The following VWC2L variants were observed in gnomAD, a reference collection of about 807,000 sequenced individuals.
VWC2L encodes the protein von Willebrand factor C domain containing 2 like.
VWC2L carries 10 observed loss-of-function variants against 21.6 expected under a neutral mutation model. The observed-to-expected ratio is 0.46, with a 90% CI of 0.29 to 0.78. The LOEUF (loss-of-function observed/expected upper bound fraction) is 0.78. Ranked by LOEUF, VWC2L falls within the 30% of genes least tolerant of loss-of-function variation. The pLI, the probability that VWC2L is intolerant of heterozygous loss-of-function variation, is 0.10. For synonymous variants in VWC2L, 96 were observed against 94.3 expected (o/e 1.02, Z -0.10); for missense variants, 209 against 277.1 (o/e 0.75, Z 1.74).
intron 3 of VWC2L, among the ~76,000 whole-genome samples, chr2:214,505,594 T>A (rs1688956546): frequency 6.6e-6 from 1 of 152,194 alleles, no homozygotes; most frequent in Admixed American, 6.5e-5. Flanking sequence ...GTTTTCAAAG[T>A]CTTTTCTTCT....
chr2:214,526,604 T>C (rs1230589974), intron 3 of VWC2L, among the ~76,000 whole-genome samples: 3 of 152,232 alleles, frequency 2.0e-5, no homozygotes, highest in Non-Finnish European at 4.4e-5. Context: ...TAAGCTTCTC[T>C]AGAAGGGATA....
chr2:214,479,573 G>C (rs972267151), intron 3 of VWC2L, among the ~76,000 whole-genome samples: 4 of 152,182 alleles, frequency 2.6e-5, no homozygotes, highest in African/African-American at 7.2e-5. Flanking sequence ...GGGAGGCTGA[G>C]GCAGGCGGAT....
chr2:214,418,525 G>A (rs1436790959), intron 2 of VWC2L, among the ~76,000 whole-genome samples: 1 of 152,134 alleles, frequency 6.6e-6, no homozygotes, highest in African/African-American at 2.4e-5. Flanking sequence ...AATATAATAT[G>A]AAATAATATC....
chr2:214,481,908 A>G (rs952550020), intron 3 of VWC2L, among the ~76,000 whole-genome samples: 1 of 152,198 alleles, frequency 6.6e-6, no homozygotes, highest in Non-Finnish European at 1.5e-5. Context: ...GCCTAGTATA[A>G]TTTTGTAAAT....
At chr2:214,497,164 CTT>C (rs1474483586) in intron 3 of VWC2L, among the ~76,000 whole-genome samples, 2 of 151,862 alleles carry the variant, frequency 1.3e-5, no homozygotes, top group Non-Finnish European at 2.9e-5. Context: ...CAAGAATAGT[CTT>C]TGGCTTCAGG....
chr2:214,425,241 T>G (rs534722372), intron 2 of VWC2L, among the ~76,000 whole-genome samples: 1 of 152,354 alleles, frequency 6.6e-6, no homozygotes, highest in Admixed American at 6.5e-5. Flanking sequence ...TCCTTCTAAC[T>G]TGCACTCTTG....
chr2:214,502,579 C>A (rs1366025567), intron 3 of VWC2L, among the ~76,000 whole-genome samples: 3 of 151,538 alleles, frequency 2.0e-5, no homozygotes, highest in East Asian at 3.9e-4. Context: ...CAAAAACAAA[C>A]AAAAAAAAGT....
At chr2:214,550,987 C>T (rs1339510907) in intron 3 of VWC2L, among the ~76,000 whole-genome samples, 7 of 152,138 alleles carry the variant, frequency 4.6e-5, no homozygotes, top group African/African-American at 1.7e-4. Context: ...TTTATGAACC[C>T]TATGACTCAG....
rs1690227916 is a variant in VWC2L, at chr2:214,576,285, A to G, written c.*465A>G. The G allele has an allele frequency of 6.6e-6, 1 of 151,162 alleles. No individual in the cohort carries two copies. Among genetic ancestry groups the G allele is most frequent in the African/African-American group, 2.4e-5 (1 of 41,120 alleles). 9.4% of individuals were successfully genotyped at this position (151,162 alleles called of 1,614,324 possible). A position where few individuals can be genotyped will look rare whatever the true frequency, so the allele number is the denominator to read the frequency against. On this transcript the variant is annotated 3_prime_UTR_variant, in exon 4 of 4. Transcript: ENST00000312504. ...GCACAGTAAAGTTTTGAGTTGTGTA[A>G]AAAAAAAAGTTTGGTAAAGGAATGT...
intron 2 of VWC2L, among the ~76,000 whole-genome samples, chr2:214,422,065 T>A (rs1168409548): frequency 6.6e-6 from 1 of 151,030 alleles, no homozygotes. Context: ...AATTTTTGTA[T>A]TTTTAGTAGA....
intron 3 of VWC2L, among the ~76,000 whole-genome samples, chr2:214,458,725 C>A (rs981668636): frequency 6.6e-6 from 1 of 152,156 alleles, no homozygotes; most frequent in East Asian, 1.9e-4. Context: ...TGTATTTGTA[C>A]AGTTTCCACA....
Position 214,545,551 on chromosome 2 carries a change from T to C in VWC2L, c.521-30121T>C, listed in dbSNP as rs139170729. 7.4e-3 allele frequency among the ~76,000 whole-genome samples: 1,134 copies of C among 152,316 alleles called. 15 individuals carry two copies. The highest frequency in any genetic ancestry group is 0.025 in the African/African-American group (1,043 of 41,596). ...CAAAGTAAATGACATCTTATGTGAT[T>C]CAAAATATTTCAAAATACAATATAA... On this transcript the variant is annotated intron_variant, in intron 3 of 3. Coordinates refer to ENST00000312504, the MANE Select transcript of VWC2L (RefSeq NM_001080500.4).
intron 3 of VWC2L, among the ~76,000 whole-genome samples, chr2:214,559,776 A>T (rs1021068177): frequency 1.3e-5 from 2 of 152,082 alleles, no homozygotes; most frequent in East Asian, 3.9e-4. Context: ...TAATTTTTTT[A>T]AAAATTGTAG....
At chr2:214,546,832 C>A (rs1689714353) in intron 3 of VWC2L, among the ~76,000 whole-genome samples, 1 of 152,092 alleles carries the variant, frequency 6.6e-6, no homozygotes, top group African/African-American at 2.4e-5. Context: ...TAAAGTGATT[C>A]TATGCCAAAC....
chr2:214,426,672 C>A (rs1702528365), intron 2 of VWC2L, among the ~76,000 whole-genome samples: 1 of 151,992 alleles, frequency 6.6e-6, no homozygotes, highest in South Asian at 2.1e-4. Flanking sequence ...TCAAACTTGG[C>A]AAATCAAAAA....
At chr2:214,414,612 A>G (rs755924987) in intron 2 of VWC2L, 29 bp downstream of exon 2, 1 of 1,596,322 alleles carries the variant, frequency 6.3e-7, no homozygotes, top group South Asian at 1.1e-5. Context: ...ATTTATTGAA[A>G]TATCAACTTT....
At position 214,576,844 on chromosome 2, in the gene VWC2L, A is replaced by T. The variant is rs1368272046; in HGVS notation, c.*1024A>T. 1.3e-5 allele frequency: 2 copies of T among 152,138 alleles called. No individual in the cohort carries two copies. The highest frequency in any genetic ancestry group is 6.5e-5 in the Admixed American group (1 of 15,268). 9.4% of individuals were successfully genotyped at this position (152,138 alleles called of 1,614,324 possible). ...TGTTTGCCATGTTGTAGTAACAACC[A>T]CTCAGCCCTATGTCTGAAACACAGA... is the stretch of plus-strand genomic sequence containing the variant. On this transcript the variant is annotated 3_prime_UTR_variant, in exon 4 of 4. Coordinates refer to ENST00000312504, the MANE Select transcript of VWC2L (RefSeq NM_001080500.4).
At chr2:214,531,043 A>C (rs562715424) in intron 3 of VWC2L, among the ~76,000 whole-genome samples, 1 of 152,332 alleles carries the variant, frequency 6.6e-6, no homozygotes, top group Admixed American at 6.5e-5. Context: ...AGATATTTCC[A>C]TCTTCATCCT....
intron 3 of VWC2L, among the ~76,000 whole-genome samples, chr2:214,537,745 A>G (rs1686922675): frequency 6.6e-6 from 1 of 152,140 alleles, no homozygotes; most frequent in African/African-American, 2.4e-5. Context: ...AAATGTATGA[A>G]TGAATGGAAT....
Sources: allele counts gnomAD v4.1 joint callset (sites outside exome capture counted in the v4.1 genomes callset), GRCh38; gene constraint gnomAD v4.1.1; transcripts MANE v1.5; gene names NCBI Gene and HGNC (gene_info 2026-07-23, HGNC 2026-07-21).